The following CUL4A variants were observed in gnomAD, a reference collection of about 807,000 sequenced individuals.
The protein encoded by CUL4A is cullin-4A.
A neutral mutation model predicts 95.5 loss-of-function variants in CUL4A; 16 were observed. The observed-to-expected ratio is 0.17, with a 90% CI of 0.11 to 0.25. The LOEUF is 0.25. CUL4A is among the 10% of genes least tolerant of loss of function. CUL4A has a pLI of 1.00. For synonymous variants in CUL4A, 380 were observed against 353.1 expected, an observed-to-expected ratio of 1.08 and a Z score of -0.85; for missense variants, 610 against 937.0, an observed-to-expected ratio of 0.65 and a Z score of 4.56.
At chr13:113,241,579 A>T (rs1039208862) in intron 10 of CUL4A, among the ~76,000 whole-genome samples, 1 of 136,650 alleles carries the variant, frequency 7.3e-6, no homozygotes, top group South Asian at 2.4e-4. Context: ...TAGTGGCGTG[A>T]TCTCAGCTCA....
rs1364526390 is a variant in CUL4A, at chr13:113,232,270, ACCACTATTACTGCTGCCACCACTACCCG to A, written c.513-904_513-877del. Among the ~76,000 whole-genome samples, 114 of 123,926 alleles carry A rather than the reference ACCACTATTACTGCTGCCACCACTACCCG, an allele frequency of 9.2e-4. 20 individuals are homozygous for A. The highest frequency in any genetic ancestry group is 3.4e-3 in the African/African-American group (106 of 31,088). 81.3% of individuals were successfully genotyped at this position (123,926 alleles called of 152,430 possible). A position where few individuals can be genotyped will look rare whatever the true frequency, so the allele number is the denominator to read the frequency against. On this transcript the variant is annotated intron_variant, in intron 5 of 19. Transcript: ENST00000375440. ...TTACTGCTGCCACCACTACCCGCCC[ACCACTATTACTGCTGCCACCACTACCCG>A]CCCACCACTATTACTGCTGCTGCCA...
chr13:113,255,129 T>A lies in CUL4A; in HGVS notation c.2031+4T>A, dbSNP rs770126023. 6.3e-7 allele frequency: 1 copy of A among 1,592,598 alleles called. No homozygotes were observed. On this transcript the variant is annotated splice_donor_region_variant and intron_variant, in intron 18 of 19. Coordinates refer to ENST00000375440, the MANE Select transcript of CUL4A (RefSeq NM_001008895.4). ...TCAAATTCAGATGAAGGAAACTGTA[T>A]GTATAAACTTTCTCTTTTTACTTAT...
chr13:113,215,088 C>T (rs1252092889), intron 2 of CUL4A, among the ~76,000 whole-genome samples: 2 of 149,652 alleles, frequency 1.3e-5, no homozygotes, highest in African/African-American at 5.0e-5. Flanking sequence ...GTGGAGGTCG[C>T]GTCCCGTGTG....
In CUL4A at chr13:113,221,568, T is replaced by G. The variant is rs545048242; in HGVS notation, c.368+2520T>G. On this transcript the variant is annotated intron_variant, in intron 3 of 19. Coordinates refer to ENST00000375440, the MANE Select transcript of CUL4A (RefSeq NM_001008895.4). ...GATAAGGGTTTTTTTTGTTTTGTTT[T>G]TTTGTGTTATTTATTTATTTATTTT... 7.0e-3 allele frequency among the ~76,000 whole-genome samples: 1,063 copies of G among 152,202 alleles called. 8 individuals are homozygous for G. The highest frequency in any genetic ancestry group is 0.024 in the Middle Eastern group (7 of 294).
chr13:113,221,805 T>G (rs187197345), intron 3 of CUL4A, among the ~76,000 whole-genome samples: 16 of 152,282 alleles, frequency 1.1e-4, no homozygotes, highest in African/African-American at 3.8e-4. Flanking sequence ...CTCGAACTCC[T>G]GACCTCGTGA....
intron 8 of CUL4A, among the ~76,000 whole-genome samples, chr13:113,235,467 C>T (rs1284772654): frequency 6.6e-6 from 1 of 152,182 alleles, no homozygotes; most frequent in Non-Finnish European, 1.5e-5. Context: ...CTCTGTTACA[C>T]ATTTTATATC....
chr13:113,250,645 A>G (rs1261022339), intron 15 of CUL4A, among the ~76,000 whole-genome samples: 1 of 152,114 alleles, frequency 6.6e-6, no homozygotes, highest in Non-Finnish European at 1.5e-5. Flanking sequence ...TCCCAAGGAG[A>G]TGGTTTTTAG....
chr13:113,209,571 A>AGCGGAGCTCGGCGGGCGGCGGC (rs1282296411), upstream of CUL4A: 9 of 918,272 alleles, frequency 9.8e-6, no homozygotes, highest in African/African-American at 1.4e-4. Flanking sequence ...GGGCGGGCGG[A>AGCGGAGCTCGGCGGGCGGCGGC]GCGGAGCTCG....
At chr13:113,229,986 G>A in intron 5 of CUL4A, 1 of 317,188 alleles carries the variant, frequency 3.2e-6, no homozygotes, top group Non-Finnish European at 5.7e-6. Flanking sequence ...TACACCAGGG[G>A]TTCTGGGGCC....
Position 113,219,060 on chromosome 13 carries a change from T to C in CUL4A, c.368+12T>C. On this transcript the variant is annotated intron_variant, in intron 3 of 19. Coordinates refer to ENST00000375440, the MANE Select transcript of CUL4A (RefSeq NM_001008895.4). ...CTTCCGTTTAGAGAATATCCTTTTT[T>C]TGGTTCATAAAGTTTCTATTCATTA... 6.4e-7 allele frequency: 1 copy of C among 1,564,472 alleles called. No homozygotes were observed. Among genetic ancestry groups the C allele is most frequent in the South Asian group, 1.2e-5 (1 of 85,612 alleles).
At chr13:113,217,312 T>C (rs1271158573) in intron 2 of CUL4A, among the ~76,000 whole-genome samples, 4 of 152,196 alleles carry the variant, frequency 2.6e-5, no homozygotes, top group East Asian at 1.9e-4. Flanking sequence ...TATGAAGATA[T>C]GGAATTCAAA....
intron 2 of CUL4A, among the ~76,000 whole-genome samples, chr13:113,214,805 G>A (rs1332933087): frequency 6.6e-6 from 1 of 152,142 alleles, no homozygotes; most frequent in Non-Finnish European, 1.5e-5. Flanking sequence ...CCAAGCTGCA[G>A]GCCCAGCGTA....
chr13:113,256,144 A>G (rs2042114230), intron 18 of CUL4A, among the ~76,000 whole-genome samples: 1 of 152,136 alleles, frequency 6.6e-6, no homozygotes, highest in Non-Finnish European at 1.5e-5. Flanking sequence ...CAATGCAGTG[A>G]GACCCCAAAC....
Position 113,209,756 on chromosome 13 carries a change from G to A in CUL4A, c.129G>A (p.Leu43=). ...GGGGCGCGGGCGGCTCCAAGAAGCTGGTCATCAAGAACTTCCGAGGTGGGT... is the reference window on the plus strand; with the variant it reads ...GGGGCGCGGGCGGCTCCAAGAAGCTAGTCATCAAGAACTTCCGAGGTGGGT... ...KPGGAGGSKK[L]VIKNFRDRPR... Residue 43 remains leucine (L), a synonymous_variant, in exon 1 of 20, where the codon CTG becomes CTA. Coordinates refer to ENST00000375440, the MANE Select transcript of CUL4A (RefSeq NM_001008895.4). 8.5e-7 allele frequency: 1 copy of A among 1,176,950 alleles called. No homozygotes were observed. The allele number at this position is 1,176,950 out of a possible 1,614,324, so 72.9% of individuals were successfully genotyped here.
chr13:113,249,399 C>G (rs1189282581), intron 15 of CUL4A, among the ~76,000 whole-genome samples: 1 of 151,916 alleles, frequency 6.6e-6, no homozygotes, highest in African/African-American at 2.4e-5. Context: ...TACATGAGCG[C>G]TTTATTCCAT....
In CUL4A at chr13:113,209,790, C is replaced by A; in HGVS notation, c.148+15C>A. The A allele has an allele frequency of 8.5e-7, 1 of 1,176,446 alleles. No individual in the cohort carries two copies. The highest frequency in any genetic ancestry group is 4.1e-5 in the South Asian group (1 of 24,536). The allele number at this position is 1,176,446 out of a possible 1,614,324, so 72.9% of individuals were successfully genotyped here. On this transcript the variant is annotated intron_variant, in intron 1 of 19. Transcript: ENST00000375440. ...GAACTTCCGAGGTGGGTGCGGCGGC[C>A]GGGTCGAGGGCCAGGCGCCCCGGGC...
chr13:113,236,627 G>A (rs2041554160), intron 8 of CUL4A, among the ~76,000 whole-genome samples, 196 bp from the exon 9 acceptor site: 1 of 152,196 alleles, frequency 6.6e-6, no homozygotes, highest in African/African-American at 2.4e-5. Context: ...TCAGTAGGTG[G>A]TTTTTAGAAA....
chr13:113,261,666 G>A (rs956229452), intron 19 of CUL4A, among the ~76,000 whole-genome samples: 2 of 152,244 alleles, frequency 1.3e-5, no homozygotes, highest in Non-Finnish European at 2.9e-5. Flanking sequence ...AGAGTGGAGT[G>A]TGGCAGACCA....
At chr13:113,216,977 T>A (rs2040717480) in intron 2 of CUL4A, among the ~76,000 whole-genome samples, 1 of 152,214 alleles carries the variant, frequency 6.6e-6, no homozygotes. Flanking sequence ...GTATGACTCA[T>A]ATGAATAGTA....
Sources: allele counts gnomAD v4.1 joint callset (sites outside exome capture counted in the v4.1 genomes callset), GRCh38; gene constraint gnomAD v4.1.1; transcripts MANE v1.5; gene names NCBI Gene and HGNC (gene_info 2026-07-23, HGNC 2026-07-21).